The following RAI1 variants were observed in gnomAD, a reference collection of about 807,000 sequenced individuals.
RAI1 encodes retinoic acid-induced protein 1.
In RAI1, 9 loss-of-function variants were observed where a neutral mutation model predicts 123.8. The ratio of observed to expected loss-of-function variants is 0.07; its 90% CI spans 0.04 to 0.13. RAI1 has a LOEUF of 0.13. Among genes scored for constraint, RAI1 ranks in the 10% least tolerant of loss-of-function variants. RAI1 has a pLI of 1.00. For synonymous variants in RAI1, 1,231 were observed against 1,127.3 expected (o/e 1.09, Z -1.84); for missense variants, 2,256 against 2,545.8 (o/e 0.89, Z 2.45).
chr17:17,686,000 C>T lies in RAI1; in HGVS notation c.-149+4207C>T, dbSNP rs1030355401. ...TGACCTCCGAGGCAGAATGAGTCAT[C>T]TCCCTTTGTCTATACTCGTGGCATA... On this transcript the variant is annotated intron_variant, in intron 1 of 5. Coordinates refer to ENST00000353383, the MANE Select transcript of RAI1 (RefSeq NM_030665.4). The surrounding 1 kb of genome is among the most constrained non-coding windows in gnomAD (Gnocchi z 4.0). Among the ~76,000 whole-genome samples, 2 of 152,254 alleles carry T rather than the reference C, an allele frequency of 1.3e-5. No homozygotes were observed. Among genetic ancestry groups the T allele is most frequent in the African/African-American group, 4.8e-5 (2 of 41,462 alleles).
At chr17:17,761,094 C>T (rs765581386) in intron 2 of RAI1, among the ~76,000 whole-genome samples, 10 of 152,186 alleles carry the variant, frequency 6.6e-5, no homozygotes, top group Non-Finnish European at 1.3e-4. Flanking sequence ...AGTTCCTTGT[C>T]CTCTCTGTGC....
chr17:17,686,265 C>T (rs1476441291), intron 1 of RAI1, among the ~76,000 whole-genome samples: 1 of 123,432 alleles, frequency 8.1e-6, no homozygotes, highest in East Asian at 2.7e-4. Flanking sequence ...ATGCTCAGGT[C>T]TGTGTGGATC....
chr17:17,755,742 G>A (rs1020017511), intron 2 of RAI1, among the ~76,000 whole-genome samples: 1 of 152,056 alleles, frequency 6.6e-6, no homozygotes, highest in Non-Finnish European at 1.5e-5. Flanking sequence ...TGGCTGGGTC[G>A]CCCCAGGGCT....
chr17:17,682,463 C>T (rs1914465206), intron 1 of RAI1: 1 of 151,446 alleles, frequency 6.6e-6, no homozygotes, highest in Non-Finnish European at 1.5e-5. Flanking sequence ...GGGATGACGT[C>T]ACGGGCGGGG....
At chr17:17,688,730 G>C (rs1226608159) in intron 1 of RAI1, among the ~76,000 whole-genome samples, 1 of 151,912 alleles carries the variant, frequency 6.6e-6, no homozygotes, top group Non-Finnish European at 1.5e-5. Context: ...CTCCCGAGTA[G>C]CTGGGACTAC....
chr17:17,739,474 A>G (rs1344973662), intron 2 of RAI1, among the ~76,000 whole-genome samples: 1 of 152,192 alleles, frequency 6.6e-6, no homozygotes, highest in Non-Finnish European at 1.5e-5. Flanking sequence ...ATGGGGAGGG[A>G]TAAGGATACA....
chr17:17,752,717 C>T (rs548734744), intron 2 of RAI1, among the ~76,000 whole-genome samples: 1 of 152,348 alleles, frequency 6.6e-6, no homozygotes, highest in Admixed American at 6.5e-5. Context: ...TCCCTCTCCT[C>T]ACCACCACAG....
intron 1 of RAI1, 82 bp downstream of exon 1, chr17:17,681,875 G>T: frequency 4.5e-6 from 1 of 222,300 alleles, no homozygotes; most frequent in East Asian, 8.5e-5. Flanking sequence ...GGGATCCTAG[G>T]CCGGGTGATG....
At position 17,801,262 on chromosome 17, in the gene RAI1, C is replaced by T. The variant is rs1179750794; in HGVS notation, c.5566-2494C>T. Among the ~76,000 whole-genome samples, 2 of 152,114 alleles carry T rather than the reference C, an allele frequency of 1.3e-5. No individual in the cohort carries two copies. Among genetic ancestry groups the T allele is most frequent in the Non-Finnish European group, 1.5e-5 (1 of 68,014 alleles). On this transcript the variant is annotated intron_variant, in intron 3 of 5. Transcript: ENST00000353383. The surrounding 1 kb of genome is among the most constrained non-coding windows in gnomAD (Gnocchi z 4.1). ...TGCTTGGGGTGAGAGGGACCCATAG[C>T]GGGCTCCGGGCATTGTTAGGGGGCT...
chr17:17,797,265 G>T lies in RAI1; in HGVS notation c.4317G>T (p.Gly1439=), dbSNP rs572421943. The T allele has an allele frequency of 6.7e-5, 108 of 1,613,104 alleles. No homozygotes were observed. In the African/African-American group the frequency reaches 1.1e-3, roughly 17 times the overall value. The change falls in exon 3 of 6, where the codon GGG becomes GGT. Residue 1439 remains glycine, a synonymous_variant. Transcript: ENST00000353383. Reference sequence around the variant, plus strand: ...CCCCGGAGGCCCTGCAGCCTGGGGGGACTGCCCTGGCGCCTAAGAAGAGGA... The same window carrying T: ...CCCCGGAGGCCCTGCAGCCTGGGGGTACTGCCCTGGCGCCTAAGAAGAGGA... ...FTSPEALQPG[G]TALAPKKRSR... is the part of the protein sequence containing the mutation.
At position 17,793,777 on chromosome 17, in the gene RAI1, G is replaced by A. The variant is rs1567915651; in HGVS notation, c.829G>A (p.Asp277Asn). Residue 277 changes from aspartate to asparagine, a missense_variant, in exon 3 of 6, where the codon GAC becomes AAC. Transcript: ENST00000353383. ...HAYQSGRLSY[D>N]QQQQQQQQQQ... Reference sequence around the variant, plus strand: ...CTACCAGTCGGGCCGCCTCAGCTATGACCAGCAGCAGCAGCAGCAGCAGCA... The same window carrying A: ...CTACCAGTCGGGCCGCCTCAGCTATAACCAGCAGCAGCAGCAGCAGCAGCA... The A allele has an allele frequency of 6.3e-7, 1 of 1,590,672 alleles. No homozygotes were observed. Among genetic ancestry groups the A allele is most frequent in the East Asian group, 2.3e-5 (1 of 43,062 alleles).
intron 2 of RAI1, among the ~76,000 whole-genome samples, chr17:17,783,915 C>G (rs933446012): frequency 6.6e-6 from 1 of 152,150 alleles, no homozygotes; most frequent in African/African-American, 2.4e-5. Context: ...GAAAGCCGGC[C>G]CCGCTTTCAC....
Position 17,797,615 on chromosome 17 carries a change from G to A in RAI1, c.4667G>A (p.Arg1556His), listed in dbSNP as rs572328358. ...KNTTSSPCKG[R>H]AKRRRQQQVL... ...ACCACCTCTTCACCCTGTAAGGGGCGTGCCAAGCGACGACGACAGCAGCAG... is the reference window on the plus strand; with the variant it reads ...ACCACCTCTTCACCCTGTAAGGGGCATGCCAAGCGACGACGACAGCAGCAG... The change falls in exon 3 of 6, where the codon CGT becomes CAT. Residue 1556 changes from arginine (R) to histidine (H), a missense_variant. Physicochemically the swap from Arg to His is conservative, Grantham distance 29 (BLOSUM62 0). This residue lies in a region of RAI1 where 410 missense variants were observed against 374.6 expected (regional missense o/e 1.09). Coordinates refer to ENST00000353383, the MANE Select transcript of RAI1 (RefSeq NM_030665.4). The A allele has an allele frequency of 1.1e-5, 18 of 1,614,008 alleles. No homozygotes were observed. The East Asian group carries it at 1.3e-4, about 12-fold the overall frequency.
intron 2 of RAI1, among the ~76,000 whole-genome samples, chr17:17,769,922 C>T (rs372527565): frequency 1.2e-4 from 18 of 151,796 alleles, no homozygotes; most frequent in South Asian, 6.2e-4. Flanking sequence ...GGAGGAGATG[C>T]GGTCACCCGG....
At position 17,754,273 on chromosome 17, in the gene RAI1, C is replaced by T. The variant is rs533448033; in HGVS notation, c.-17+30114C>T. Among the ~76,000 whole-genome samples the T allele has an allele frequency of 1.0e-4, 14 of 139,068 alleles. No homozygotes were observed. In the South Asian group the frequency reaches 2.3e-3, roughly 23 times the overall value. 91.2% of individuals were successfully genotyped at this position (139,068 alleles called of 152,430 possible). A position where few individuals can be genotyped will look rare whatever the true frequency, so the allele number is the denominator to read the frequency against. On this transcript the variant is annotated intron_variant, in intron 2 of 5. Transcript: ENST00000353383. ...AGGCTAGAGTGCAATGGCGCGATCTCGGCTCACCGCAACCTCCGCCTCCTG... is the reference window on the plus strand; with the variant it reads ...AGGCTAGAGTGCAATGGCGCGATCTTGGCTCACCGCAACCTCCGCCTCCTG...
chr17:17,745,794 A>G (rs929094530), intron 2 of RAI1, among the ~76,000 whole-genome samples: 6 of 152,178 alleles, frequency 3.9e-5, no homozygotes, highest in Non-Finnish European at 8.8e-5. Flanking sequence ...AGCAGGGTGT[A>G]CCCGGGGGGC....
intron 2 of RAI1, among the ~76,000 whole-genome samples, chr17:17,733,364 A>G (rs1395302006): frequency 6.6e-6 from 1 of 152,204 alleles, no homozygotes; most frequent in Non-Finnish European, 1.5e-5. Context: ...GAGGTGTGAA[A>G]GGATGCAGAA....
Position 17,809,586 on chromosome 17 carries a change from C to T in RAI1, c.5709+147C>T. 1 of 851,672 alleles carries T rather than the reference C, an allele frequency of 1.2e-6. No homozygotes were observed. The highest frequency in any genetic ancestry group is 1.8e-6 in the Non-Finnish European group (1 of 550,544). The allele number at this position is 851,672 out of a possible 1,614,324, so 52.8% of individuals were successfully genotyped here. A position where few individuals can be genotyped will look rare whatever the true frequency, so the allele number is the denominator to read the frequency against. ...GGGGAGGGAGCTCTCCCCGCCCACC[C>T]CCAGGAGCCCCCGCCGCCGTCCAGC... On this transcript the variant is annotated intron_variant, in intron 5 of 5. Coordinates refer to ENST00000353383, the MANE Select transcript of RAI1 (RefSeq NM_030665.4). This position sits in a 1 kb window ranked among gnomAD's most constrained non-coding sequence, Gnocchi z 4.9.
At chr17:17,726,769 G>A (rs913713296) in intron 2 of RAI1, among the ~76,000 whole-genome samples, 62 of 151,986 alleles carry the variant, frequency 4.1e-4, no homozygotes, top group Non-Finnish European at 7.1e-4. Context: ...AGTCTTAGAG[G>A]GCTCTGACAA....
Sources: gnomAD v4.1 joint callset for allele counts (sites outside exome capture counted in the v4.1 genomes callset) on GRCh38, gnomAD v4.1.1 for gene constraint, gnomAD v4.1.1 regional missense constraint, Gnocchi (gnomAD v3.1) non-coding constraint, MANE v1.5 for transcripts, NCBI Gene and HGNC (gene_info 2026-07-23, HGNC 2026-07-21) for gene names.